MAGI3: variants seen among roughly 807,000 people sequenced by gnomAD.
MAGI3 encodes the protein membrane associated guanylate kinase, WW and PDZ domain containing 3.
MAGI3 carries 43 observed loss-of-function variants against 121.8 expected under a neutral mutation model. The observed-to-expected ratio is 0.35, with a 90% CI of 0.28 to 0.46. MAGI3 has a LOEUF of 0.46. MAGI3 is among the 20% of genes least tolerant of loss of function. MAGI3 has a pLI of 1.00. For missense variants in MAGI3, 1,547 were observed against 1,797.3 expected, an observed-to-expected ratio of 0.86 and a Z score of 2.52; for synonymous variants, 553 against 639.3, an observed-to-expected ratio of 0.86 and a Z score of 2.04.
At chr1:113,677,253 GAA>G (rs1647928850) in intron 19 of MAGI3, among the ~76,000 whole-genome samples, 2 of 152,206 alleles carry the variant, frequency 1.3e-5, no homozygotes, top group Admixed American at 6.5e-5. Flanking sequence ...ATCAGATTTA[GAA>G]AATATTAAGT....
intron 6 of MAGI3, among the ~76,000 whole-genome samples, chr1:113,601,196 G>T (rs1013462662): frequency 6.9e-6 from 1 of 144,924 alleles, no homozygotes; most frequent in African/African-American, 2.4e-5. Flanking sequence ...AAAGCAATGA[G>T]CAATAAAAGC....
chr1:113,669,499 T>A (rs1044130947), intron 16 of MAGI3, among the ~76,000 whole-genome samples: 3 of 152,156 alleles, frequency 2.0e-5, no homozygotes, highest in Non-Finnish European at 4.4e-5. Flanking sequence ...GTAACAAGTA[T>A]CTTATGAGCA....
rs577239571 is a variant in MAGI3 at position 113,580,492 on chromosome 1, G to A, written c.434-50G>A. ...AATATTCTTTTACTTTGAATATTTT[G>A]TAAGTTTAAAAGTACTTTACAACCT... On this transcript the variant is annotated intron_variant, in intron 2 of 20. Coordinates refer to ENST00000307546, the MANE Select transcript of MAGI3 (RefSeq NM_001142782.2). The A allele has an allele frequency of 4.3e-5, 65 of 1,528,364 alleles. 1 individual carries two copies. In the South Asian group the frequency reaches 6.5e-4, roughly 15 times the overall value. 94.7% of individuals were successfully genotyped at this position (1,528,364 alleles called of 1,614,324 possible). A position where few individuals can be genotyped will look rare whatever the true frequency, so the allele number is the denominator to read the frequency against.
intron 1 of MAGI3, among the ~76,000 whole-genome samples, chr1:113,471,197 C>T (rs746137399): frequency 9.6e-4 from 146 of 152,274 alleles, no homozygotes; most frequent in Admixed American, 2.5e-3. Flanking sequence ...GCACATGGAA[C>T]ATTTTCCAGG....
intron 1 of MAGI3, among the ~76,000 whole-genome samples, chr1:113,519,969 C>T (rs1475898216): frequency 6.6e-6 from 1 of 152,186 alleles, no homozygotes; most frequent in Non-Finnish European, 1.5e-5. Flanking sequence ...CATCTCAGCC[C>T]TGTTTTATTG....
chr1:113,413,969 G>A (rs1441368293), intron 1 of MAGI3, among the ~76,000 whole-genome samples: 1 of 151,990 alleles, frequency 6.6e-6, no homozygotes, highest in Non-Finnish European at 1.5e-5. Context: ...TTTTCAAAGG[G>A]ATGCTTCCGG....
intron 1 of MAGI3, among the ~76,000 whole-genome samples, chr1:113,542,193 A>G (rs1659322107): frequency 6.6e-6 from 1 of 152,108 alleles, no homozygotes; most frequent in Non-Finnish European, 1.5e-5. Context: ...TCCTACATAT[A>G]CTATGTTTTT....
chr1:113,512,732 C>G (rs368609785), intron 1 of MAGI3, among the ~76,000 whole-genome samples: 4 of 152,282 alleles, frequency 2.6e-5, no homozygotes, highest in South Asian at 4.1e-4. Flanking sequence ...GGGGTGCCCT[C>G]TCTCACCACT....
intron 1 of MAGI3, among the ~76,000 whole-genome samples, chr1:113,481,138 T>A (rs1376216752): frequency 6.6e-6 from 1 of 152,242 alleles, no homozygotes; most frequent in Non-Finnish European, 1.5e-5. Context: ...CTTTTTGTTT[T>A]GTTCCTAATT....
chr1:113,634,794 A>T (rs2101809144), intron 9 of MAGI3, among the ~76,000 whole-genome samples: 1 of 152,194 alleles, frequency 6.6e-6, no homozygotes, highest in South Asian at 2.1e-4. Flanking sequence ...CTTGATGGGG[A>T]TGGCATTGAA....
At chr1:113,604,807 T>C (rs906030445) in intron 6 of MAGI3, among the ~76,000 whole-genome samples, 4 of 151,160 alleles carry the variant, frequency 2.6e-5, no homozygotes, top group African/African-American at 9.7e-5. Flanking sequence ...ATAATAGACA[T>C]TGAAGATTCA....
Position 113,481,840 on chromosome 1 carries a change from C to T in MAGI3, c.317-67675C>T, listed in dbSNP as rs61819363. ...TGCATGTCAGAAGTCCAACATGGAT[C>T]TCATGGGGCCAAAGTCAAGATGTCA... On this transcript the variant is annotated intron_variant, in intron 1 of 20. Coordinates refer to ENST00000307546, the MANE Select transcript of MAGI3 (RefSeq NM_001142782.2). 6.7e-3 allele frequency among the ~76,000 whole-genome samples: 1,016 copies of T among 152,250 alleles called. 6 individuals carry two copies. The highest frequency in any genetic ancestry group is 0.011 in the Non-Finnish European group (781 of 68,010).
At chr1:113,682,361 G>T in intron 20 of MAGI3, 1 of 1,546,806 alleles carries the variant, frequency 6.5e-7, no homozygotes. Flanking sequence ...AATTAAAAAT[G>T]ATGCTATTAA....
intron 4 of MAGI3, among the ~76,000 whole-genome samples, chr1:113,586,470 A>G (rs1343126): frequency 6.6e-6 from 1 of 152,082 alleles, no homozygotes; most frequent in East Asian, 1.9e-4. Context: ...TAATACATTC[A>G]TTGTTTATGT....
At chr1:113,504,713 A>G (rs1490058010) in intron 1 of MAGI3, among the ~76,000 whole-genome samples, 1 of 152,150 alleles carries the variant, frequency 6.6e-6, no homozygotes, top group African/African-American at 2.4e-5. Flanking sequence ...ACTTCAGGAA[A>G]TATATCCCTA....
intron 1 of MAGI3, among the ~76,000 whole-genome samples, chr1:113,431,004 A>G (rs556074564): frequency 6.6e-6 from 1 of 152,358 alleles, no homozygotes; most frequent in Admixed American, 6.5e-5. Flanking sequence ...AGATAACTAC[A>G]AAAATGAATG....
At chr1:113,528,680 G>A (rs978704067) in intron 1 of MAGI3, among the ~76,000 whole-genome samples, 1 of 151,988 alleles carries the variant, frequency 6.6e-6, no homozygotes, top group Non-Finnish European at 1.5e-5. Flanking sequence ...TAATTCTATC[G>A]TTCCTTGTAC....
chr1:113,529,310 A>G (rs1658598523), intron 1 of MAGI3, among the ~76,000 whole-genome samples: 1 of 152,248 alleles, frequency 6.6e-6, no homozygotes, highest in Admixed American at 6.5e-5. Context: ...TATTTCTCAC[A>G]GTTCTGGAGG....
chr1:113,576,786 G>A (rs1409610086), intron 2 of MAGI3: 2 of 152,194 alleles, frequency 1.3e-5, no homozygotes, highest in Non-Finnish European at 2.9e-5. Context: ...AAAATCTTGA[G>A]TAGCCCTCCT....
Sources: gnomAD v4.1 joint callset for allele counts (sites outside exome capture counted in the v4.1 genomes callset) on GRCh38, gnomAD v4.1.1 for gene constraint, MANE v1.5 for transcripts, NCBI Gene and HGNC (gene_info 2026-07-23, HGNC 2026-07-21) for gene names.